Variants in HHAT observed in about 807,000 individuals in gnomAD.
HHAT encodes the protein hedgehog acyltransferase.
HHAT carries 47 observed loss-of-function variants against 70.8 expected under a neutral mutation model. That is an observed-to-expected ratio of 0.66 (90% CI 0.53 to 0.85). HHAT has a LOEUF of 0.85. HHAT is among the 40% of genes least tolerant of loss of function. The pLI is 0.00. For synonymous variants in HHAT, 228 were observed against 247.6 expected (o/e 0.92, Z 0.74); for missense variants, 609 against 604.8 (o/e 1.01, Z -0.07).
At chr1:210,609,751 G>C (rs1347512964) in intron 10 of HHAT, among the ~76,000 whole-genome samples, 1 of 152,188 alleles carries the variant, frequency 6.6e-6, no homozygotes, top group African/African-American at 2.4e-5. Flanking sequence ...TTATAAGTGA[G>C]AACATGCGGT....
At chr1:210,329,839 C>G (rs906640557) in intron 1 of HHAT, among the ~76,000 whole-genome samples, 1 of 152,168 alleles carries the variant, frequency 6.6e-6, no homozygotes, top group Non-Finnish European at 1.5e-5. Flanking sequence ...CCTCAGCATC[C>G]CGGTTTCAAG....
At chr1:210,623,265 T>C (rs1669213325) in intron 10 of HHAT, among the ~76,000 whole-genome samples, 1 of 152,082 alleles carries the variant, frequency 6.6e-6, no homozygotes, top group Non-Finnish European at 1.5e-5. Context: ...GTAGAGATGG[T>C]ATATCACTAT....
intron 1 of HHAT, among the ~76,000 whole-genome samples, chr1:210,335,595 A>C (rs1484199000): frequency 2.6e-5 from 4 of 152,206 alleles, no homozygotes; most frequent in Non-Finnish European, 2.9e-5. Context: ...TATGGAACTG[A>C]GTAAAGAATC....
At position 210,542,494 on chromosome 1, in the gene HHAT, A is replaced by AT. The variant is rs573554990; in HGVS notation, c.1043+29306_1043+29307insT. On this transcript the variant is annotated intron_variant, in intron 9 of 11. Transcript: ENST00000261458. ...CCGCATCAGTGTTTTAGTTAAAAAA[A>AT]AAATATATATATATATATATTGGTT... 2.3e-3 allele frequency among the ~76,000 whole-genome samples: 316 copies of AT among 139,156 alleles called. 7 individuals are homozygous for AT. In the South Asian group the frequency reaches 0.066, roughly 29 times the overall value. 91.3% of individuals were successfully genotyped at this position (139,156 alleles called of 152,430 possible).
At chr1:210,392,045 T>G (rs916019099) in intron 4 of HHAT, among the ~76,000 whole-genome samples, 1 of 152,170 alleles carries the variant, frequency 6.6e-6, no homozygotes, top group East Asian at 1.9e-4. Context: ...TTTTAAAAAC[T>G]TTTTGTAGAG....
rs73075597 is a variant in HHAT, at chr1:210,476,333, A to G, written c.1007+11678A>G. Among the ~76,000 whole-genome samples, 222 of 152,374 alleles carry G rather than the reference A, an allele frequency of 1.5e-3. 1 individual carries two copies. Among genetic ancestry groups the G allele is most frequent in the African/African-American group, 5.2e-3 (215 of 41,600 alleles). ...TGTCCAACTGCTTACCTAATGAATA[A>G]GATGAATACTTTGTCTTCTGCTAAG... On this transcript the variant is annotated intron_variant, in intron 8 of 11. Coordinates refer to ENST00000261458, the MANE Select transcript of HHAT (RefSeq NM_018194.6).
intron 6 of HHAT, among the ~76,000 whole-genome samples, chr1:210,407,039 T>C (rs2092358380): frequency 2.0e-5 from 3 of 152,136 alleles, no homozygotes; most frequent in African/African-American, 7.2e-5. Flanking sequence ...AGGATAAATG[T>C]TCAGTAAGAT....
At position 210,549,732 on chromosome 1, in the gene HHAT, C is replaced by T. The variant is rs781713820; in HGVS notation, c.1043+36544C>T. ...TAAAGAAGCTGGGTACAGTGGTGTA[C>T]GCCTGTAGTCCCAGCTACTTGGGAG... On this transcript the variant is annotated intron_variant, in intron 9 of 11. Transcript: ENST00000261458. Among the ~76,000 whole-genome samples the T allele has an allele frequency of 8.7e-5, 13 of 148,776 alleles. 4 individuals carry two copies. The South Asian group carries it at 1.3e-3, about 15-fold the overall frequency.
chr1:210,485,427 T>C (rs1159717472), intron 8 of HHAT, among the ~76,000 whole-genome samples: 1 of 152,068 alleles, frequency 6.6e-6, no homozygotes, highest in African/African-American at 2.4e-5. Flanking sequence ...ACAGGACCCA[T>C]TTCATCTCTT....
At chr1:210,587,366 G>A (rs1054619859) in intron 9 of HHAT, among the ~76,000 whole-genome samples, 4 of 152,136 alleles carry the variant, frequency 2.6e-5, no homozygotes, top group African/African-American at 4.8e-5. Context: ...ATCAGATCTC[G>A]TGTGAGACTT....
At chr1:210,424,221 G>A (rs762610640) in intron 7 of HHAT, among the ~76,000 whole-genome samples, 27 of 151,854 alleles carry the variant, frequency 1.8e-4, no homozygotes, top group African/African-American at 3.6e-4. Flanking sequence ...TATTTCTTTC[G>A]TCAGCGTTTT....
At chr1:210,328,712 T>C (rs909782110), upstream of HHAT, among the ~76,000 whole-genome samples, 14 of 152,150 alleles carry the variant, frequency 9.2e-5, no homozygotes, top group South Asian at 1.9e-3. Context: ...GGGGGAGAGA[T>C]ATGCACGCCA....
intron 2 of HHAT, among the ~76,000 whole-genome samples, chr1:210,351,217 C>T (rs2086988287): frequency 6.6e-6 from 1 of 152,154 alleles, no homozygotes; most frequent in African/African-American, 2.4e-5. Context: ...TGGTCTAGCT[C>T]AAGCAGTAGC....
chr1:210,407,908 A>G (rs1472102529), intron 6 of HHAT, among the ~76,000 whole-genome samples: 1 of 152,120 alleles, frequency 6.6e-6, no homozygotes, highest in Admixed American at 6.5e-5. Context: ...CTTGCTGGGC[A>G]CTGTGCTCTC....
At chr1:210,537,289 C>A (rs1160330838) in intron 9 of HHAT, among the ~76,000 whole-genome samples, 1 of 152,148 alleles carries the variant, frequency 6.6e-6, no homozygotes, top group African/African-American at 2.4e-5. Flanking sequence ...AGTCCCTCAC[C>A]CTTCTTCTGC....
At chr1:210,479,322 T>C (rs1268721933) in intron 8 of HHAT, among the ~76,000 whole-genome samples, 2 of 152,180 alleles carry the variant, frequency 1.3e-5, no homozygotes, top group Non-Finnish European at 2.9e-5. Context: ...CAAATGTATA[T>C]GATACAGAGC....
chr1:210,372,995 C>G (rs2089711170), intron 3 of HHAT, among the ~76,000 whole-genome samples: 2 of 152,190 alleles, frequency 1.3e-5, no homozygotes, highest in African/African-American at 4.8e-5. Context: ...TGCTAGTAAA[C>G]TTTCAGGTGC....
chr1:210,643,705 ATT>A (rs142070413), intron 11 of HHAT, among the ~76,000 whole-genome samples: 2 of 146,672 alleles, frequency 1.4e-5, no homozygotes, highest in Non-Finnish European at 3.0e-5. Context: ...CAGTAGATTC[ATT>A]TTTTTTTTTT....
At chr1:210,440,117 C>A (rs2093471087) in intron 7 of HHAT, among the ~76,000 whole-genome samples, 1 of 151,806 alleles carries the variant, frequency 6.6e-6, no homozygotes, top group Non-Finnish European at 1.5e-5. Flanking sequence ...GCCTGTCATT[C>A]TCCTCTTACT....
Sources: allele counts gnomAD v4.1 joint callset (sites outside exome capture counted in the v4.1 genomes callset), GRCh38; gene constraint gnomAD v4.1.1; transcripts MANE v1.5; gene names NCBI Gene and HGNC (gene_info 2026-07-23, HGNC 2026-07-21).